Variants in TTLL7 observed in about 807,000 individuals in gnomAD.
TTLL7 encodes the protein tubulin polyglutamylase TTLL7.
Under a neutral mutation model 120.2 loss-of-function variants are expected in TTLL7, and 53 were observed. That is an observed-to-expected ratio of 0.44 (90% CI 0.35 to 0.55). The LOEUF is 0.55. Among genes scored for constraint, TTLL7 ranks in the 20% least tolerant of loss-of-function variants. The pLI is 0.00. For synonymous variants in TTLL7, 353 were observed against 351.7 expected, an observed-to-expected ratio of 1.00 and a Z score of -0.04; for missense variants, 803 against 1,054.7, an observed-to-expected ratio of 0.76 and a Z score of 3.31.
At chr1:83,894,269 G>A (rs1174808847) in intron 18 of TTLL7, among the ~76,000 whole-genome samples, 2 of 152,002 alleles carry the variant, frequency 1.3e-5, no homozygotes, top group Non-Finnish European at 2.9e-5. Context: ...TAGTCTCAAG[G>A]ATAAATATGA....
In TTLL7 at chr1:83,942,572, C is replaced by A; in HGVS notation, c.614G>T (p.Arg205Leu). The A allele has an allele frequency of 6.2e-7, 1 of 1,613,846 alleles. No homozygotes were observed. Reference sequence around the variant, plus strand: ...ACACGATGTAACCAGAATATAAATTCGTAAGTCAAACTTGTAACCTTCCAT... The same window carrying A: ...ACACGATGTAACCAGAATATAAATTAGTAAGTCAAACTTGTAACCTTCCAT... Reference protein sequence around the residue: ...FLMEGYKFDLRIYILVTSCDP... With the variant: ...FLMEGYKFDLLIYILVTSCDP... Residue 205 changes from arginine to leucine, a missense_variant, in exon 7 of 21, where the codon CGA (arginine) becomes CTA (leucine). Arg to Leu is a moderately radical substitution (Grantham distance 102). Around this residue, in one of 3 missense-constraint regions of TTLL7, gnomAD observed 324 missense variants for 507.7 expected, o/e 0.64. Coordinates refer to ENST00000260505, the MANE Select transcript of TTLL7 (RefSeq NM_024686.6).
intron 18 of TTLL7, among the ~76,000 whole-genome samples, chr1:83,891,668 C>T (rs1403841902): frequency 1.3e-5 from 2 of 152,038 alleles, no homozygotes; most frequent in Non-Finnish European, 2.9e-5. Flanking sequence ...AACTCTTCAA[C>T]AACAGGAGAT....
chr1:83,984,534 T>A (rs566726491), intron 1 of TTLL7, among the ~76,000 whole-genome samples: 4 of 152,192 alleles, frequency 2.6e-5, no homozygotes, highest in Non-Finnish European at 5.9e-5. Flanking sequence ...GAGGTGCCCA[T>A]CAACAGTGGA....
At position 83,938,033 on chromosome 1, in the gene TTLL7, C is replaced by A. The variant is rs1360907123; in HGVS notation, c.724-17G>T. The A allele has an allele frequency of 6.2e-7, 1 of 1,612,798 alleles. No individual in the cohort carries two copies. Among genetic ancestry groups the A allele is most frequent in the Admixed American group, 1.7e-5 (1 of 59,972 alleles). ...TAACTGGGTCTGTAACAAGTAAGAACCAAAGTTGTTACCACCTATGACATC... is the reference window on the plus strand; with the variant it reads ...TAACTGGGTCTGTAACAAGTAAGAAACAAAGTTGTTACCACCTATGACATC... On this transcript the variant is annotated splice_polypyrimidine_tract_variant and intron_variant, in intron 7 of 20. Coordinates refer to ENST00000260505, the MANE Select transcript of TTLL7 (RefSeq NM_024686.6).
At chr1:83,880,637 C>T (rs1215440597) in intron 20 of TTLL7, among the ~76,000 whole-genome samples, 1 of 151,966 alleles carries the variant, frequency 6.6e-6, no homozygotes, top group East Asian at 1.9e-4. Flanking sequence ...GGCTTAATTT[C>T]TTCTATCCTG....
intron 12 of TTLL7, among the ~76,000 whole-genome samples, chr1:83,920,282 G>A (rs1658528307): frequency 6.6e-6 from 1 of 152,046 alleles, no homozygotes; most frequent in South Asian, 2.1e-4. Flanking sequence ...TGGTGATTGG[G>A]CAAATTGGAG....
intron 18 of TTLL7, among the ~76,000 whole-genome samples, chr1:83,898,250 A>G (rs1557584795): frequency 6.6e-6 from 1 of 152,046 alleles, no homozygotes; most frequent in Non-Finnish European, 1.5e-5. Flanking sequence ...CCCCATATGA[A>G]GAATTCTTAG....
At chr1:83,971,097 T>C (rs1454315316) in intron 1 of TTLL7, among the ~76,000 whole-genome samples, 1 of 151,912 alleles carries the variant, frequency 6.6e-6, no homozygotes, top group Non-Finnish European at 1.5e-5. Flanking sequence ...AGCAAAGAAA[T>C]GCAGATACTA....
chr1:83,951,795 GT>G (rs1291608458), intron 3 of TTLL7, 49 bp downstream of exon 3: 4 of 1,560,358 alleles, frequency 2.6e-6, no homozygotes, highest in Middle Eastern at 1.7e-4. Flanking sequence ...CACCAAATCA[GT>G]TTTTCCAGCA....
chr1:83,918,978 T>G (rs1188243576), intron 13 of TTLL7, among the ~76,000 whole-genome samples: 2 of 152,090 alleles, frequency 1.3e-5, no homozygotes, highest in African/African-American at 4.8e-5. Context: ...CTGACTACCC[T>G]GCTGAGAGAC....
At chr1:83,882,896 A>T in intron 20 of TTLL7, 67 bp downstream of exon 20, 1 of 1,546,690 alleles carries the variant, frequency 6.5e-7, no homozygotes, top group South Asian at 1.2e-5. Context: ...AACACTGTCA[A>T]TTTCAAACTG....
chr1:83,918,959 T>C (rs1207387049), intron 13 of TTLL7, among the ~76,000 whole-genome samples: 1 of 152,064 alleles, frequency 6.6e-6, no homozygotes, highest in African/African-American at 2.4e-5. Context: ...AGCTACTATA[T>C]TGAGAGGTCT....
At chr1:83,885,253 A>G (rs1654883205) in intron 19 of TTLL7, among the ~76,000 whole-genome samples, 1 of 151,978 alleles carries the variant, frequency 6.6e-6, no homozygotes, top group Non-Finnish European at 1.5e-5. Context: ...GTATGTCTAT[A>G]AAAGTCTACC....
chr1:83,951,119 G>C (rs1484059331), intron 3 of TTLL7, among the ~76,000 whole-genome samples: 6 of 152,146 alleles, frequency 3.9e-5, no homozygotes, highest in Non-Finnish European at 4.4e-5. Context: ...GGAGTCCAAG[G>C]TGGGCGGATA....
intron 1 of TTLL7, among the ~76,000 whole-genome samples, chr1:83,972,511 T>C (rs1370021748): frequency 1.3e-5 from 2 of 152,116 alleles, no homozygotes; most frequent in African/African-American, 2.4e-5. Flanking sequence ...TACATCTTGG[T>C]TGCTTCCAGG....
chr1:83,869,784 T>G lies in TTLL7; in HGVS notation c.*178A>C. 1 of 418,832 alleles carries G rather than the reference T, an allele frequency of 2.4e-6. No individual in the cohort carries two copies. Among genetic ancestry groups the G allele is most frequent in the Non-Finnish European group, 3.9e-6 (1 of 257,652 alleles). The allele number at this position is 418,832 out of a possible 1,614,324, so 25.9% of individuals were successfully genotyped here. ...ATTTTCTGCTAATTCTTCTTTCATA[T>G]ATCATTTAATATAATAAATATATGT... On this transcript the variant is annotated 3_prime_UTR_variant, in exon 21 of 21. Coordinates refer to ENST00000260505, the MANE Select transcript of TTLL7 (RefSeq NM_024686.6).
At chr1:83,871,002 G>A (rs9700285) in intron 20 of TTLL7, among the ~76,000 whole-genome samples, 62,674 of 149,058 alleles carry the variant, frequency 0.42, 14,894 homozygotes, top group Non-Finnish European at 0.54. Flanking sequence ...ATTTTAGAAA[G>A]ACAATATGGT....
intron 1 of TTLL7, among the ~76,000 whole-genome samples, chr1:83,955,220 A>G (rs1369206957): frequency 2.0e-5 from 3 of 152,110 alleles, no homozygotes; most frequent in Admixed American, 1.3e-4. Flanking sequence ...CCTTATCATA[A>G]TCACCTGCCA....
At chr1:83,895,767 A>G (rs1362043358) in intron 18 of TTLL7, among the ~76,000 whole-genome samples, 1 of 152,108 alleles carries the variant, frequency 6.6e-6, no homozygotes, top group Non-Finnish European at 1.5e-5. Context: ...GCACTGCCTC[A>G]CAATTTAGAT....
Sources: allele counts gnomAD v4.1 joint callset (sites outside exome capture counted in the v4.1 genomes callset), GRCh38; gene constraint gnomAD v4.1.1; regional missense constraint gnomAD v4.1.1; transcripts MANE v1.5; gene names NCBI Gene and HGNC (gene_info 2026-07-23, HGNC 2026-07-21).